DAB1: variants seen among roughly 807,000 people sequenced by gnomAD.
The protein encoded by DAB1 is DAB adaptor protein 1, also known as disabled homolog 1.
Under a neutral mutation model 64.6 loss-of-function variants are expected in DAB1, and 15 were observed. The ratio of observed to expected loss-of-function variants is 0.23; its 90% CI spans 0.16 to 0.36. DAB1 has a LOEUF of 0.36. DAB1 is among the 10% of genes least tolerant of loss of function. DAB1 has a pLI of 1.00. For synonymous variants in DAB1, 235 were observed against 251.9 expected, an observed-to-expected ratio of 0.93 and a Z score of 0.64; for missense variants, 596 against 706.7, an observed-to-expected ratio of 0.84 and a Z score of 1.78.
At position 58,474,681 on chromosome 1, in the gene DAB1, A is replaced by T. The variant is rs548201662; in HGVS notation, n.257+31379T>A. Among the ~76,000 whole-genome samples the T allele has an allele frequency of 2.0e-5, 3 of 152,318 alleles. No homozygotes were observed. The South Asian group carries it at 6.2e-4, about 32-fold the overall frequency. ...TCATGGAAAGTTTCAGGGACTATGG[A>T]GCAGGAGAAATGCTCTAGGCATTCA... On this transcript the variant is annotated intron_variant and non_coding_transcript_variant, in intron 3 of 20. Coordinates refer to the DAB1 transcript ENST00000485760.
At chr1:57,346,678 C>A (rs1027191379) in intron 1 of DAB1, among the ~76,000 whole-genome samples, 7 of 152,112 alleles carry the variant, frequency 4.6e-5, no homozygotes, top group African/African-American at 1.7e-4. Context: ...CTGGAAGAGT[C>A]TAGAGTATAG....
At chr1:57,156,465 C>T (rs1557829207) in intron 2 of DAB1, among the ~76,000 whole-genome samples, 1 of 152,094 alleles carries the variant, frequency 6.6e-6, no homozygotes, top group Non-Finnish European at 1.5e-5. Context: ...TAGCGTGATG[C>T]CAGAACAGAG....
At chr1:58,436,363 T>C (rs1285001916) in intron 3 of DAB1, among the ~76,000 whole-genome samples, 4 of 152,202 alleles carry the variant, frequency 2.6e-5, no homozygotes, top group Non-Finnish European at 4.4e-5. Flanking sequence ...ATATCCCCTA[T>C]CCTACAGGAT....
intron 7 of DAB1, 64 bp from the exon 8 acceptor site, chr1:57,069,489 T>C: frequency 7.2e-7 from 1 of 1,385,508 alleles, no homozygotes; most frequent in East Asian, 2.3e-5. Context: ...AAAACAAGCA[T>C]TTGGAAATTA....
chr1:58,025,255 G>C (rs769319613), intron 5 of DAB1, among the ~76,000 whole-genome samples: 1 of 151,936 alleles, frequency 6.6e-6, no homozygotes, highest in Non-Finnish European at 1.5e-5. Context: ...AAGTGTTTTC[G>C]TGGTCATTAG....
intron 6 of DAB1, among the ~76,000 whole-genome samples, chr1:57,740,046 C>CAAAAAAAAAAAAAAAA (rs34382329): frequency 1.9e-5 from 2 of 103,142 alleles, no homozygotes; most frequent in Non-Finnish European, 3.8e-5. Flanking sequence ...ACTACTACTA[C>CAAAAAAAAAAAAAAAA]AAAAAAAAAA....
intron 3 of DAB1, among the ~76,000 whole-genome samples, chr1:58,501,778 G>T (rs1645910230): frequency 6.6e-6 from 1 of 152,146 alleles, no homozygotes; most frequent in African/African-American, 2.4e-5. Flanking sequence ...ATATTTTGAA[G>T]TCCCAACCTC....
At chr1:58,110,257 A>C (rs1451691331) in intron 5 of DAB1, among the ~76,000 whole-genome samples, 1 of 152,220 alleles carries the variant, frequency 6.6e-6, no homozygotes, top group Non-Finnish European at 1.5e-5. Context: ...CAAAAAACAA[A>C]TAAGCAAAAC....
chr1:57,899,549 T>C (rs1644441714), intron 5 of DAB1, among the ~76,000 whole-genome samples: 1 of 152,132 alleles, frequency 6.6e-6, no homozygotes, highest in Non-Finnish European at 1.5e-5. Context: ...TGGATTCAAC[T>C]TGTTCCACCC....
intron 5 of DAB1, among the ~76,000 whole-genome samples, chr1:58,139,028 C>T (rs1654126902): frequency 6.6e-6 from 1 of 152,138 alleles, no homozygotes; most frequent in African/African-American, 2.4e-5. Context: ...TTAAACTCCA[C>T]CATCAAGGTG....
chr1:57,885,939 A>T (rs1439643865), upstream of DAB1, among the ~76,000 whole-genome samples: 1 of 152,176 alleles, frequency 6.6e-6, no homozygotes, highest in Non-Finnish European at 1.5e-5. Flanking sequence ...AATTACAAGC[A>T]ATTTCTACCC....
chr1:58,352,703 C>A (rs1481296951), intron 3 of DAB1, among the ~76,000 whole-genome samples: 1 of 152,104 alleles, frequency 6.6e-6, no homozygotes, highest in Non-Finnish European at 1.5e-5. Flanking sequence ...TTTGTGCACT[C>A]CCAAAATTCA....
intron 3 of DAB1, among the ~76,000 whole-genome samples, chr1:58,449,978 G>C (rs1210470254): frequency 6.6e-6 from 1 of 152,106 alleles, no homozygotes; most frequent in South Asian, 2.1e-4. Context: ...TTTATAAGCA[G>C]GTATATAATA....
At chr1:58,197,701 C>T (rs994594231) in intron 4 of DAB1, among the ~76,000 whole-genome samples, 81 of 89,076 alleles carry the variant, frequency 9.1e-4, no homozygotes, top group African/African-American at 2.7e-3. Flanking sequence ...GCGAGAGTTA[C>T]ACTTTTTTTT....
intron 2 of DAB1, among the ~76,000 whole-genome samples, chr1:58,526,778 C>T (rs774960620): frequency 2.6e-5 from 4 of 152,014 alleles, no homozygotes; most frequent in Non-Finnish European, 5.9e-5. Flanking sequence ...ACTCAAAAAG[C>T]CTCCTTAGAT....
At chr1:57,952,178 C>T (rs894265298) in intron 5 of DAB1, among the ~76,000 whole-genome samples, 2 of 152,010 alleles carry the variant, frequency 1.3e-5, no homozygotes, top group Non-Finnish European at 2.9e-5. Context: ...TAGGATGTGA[C>T]AAGAAGCACT....
intron 5 of DAB1, among the ~76,000 whole-genome samples, chr1:57,917,124 T>C (rs529547585): frequency 2.0e-5 from 3 of 152,310 alleles, no homozygotes; most frequent in African/African-American, 7.2e-5. Flanking sequence ...GGCCACTCTC[T>C]ACACTTTCTC....
At chr1:57,931,890 T>G (rs1245153190) in intron 5 of DAB1, among the ~76,000 whole-genome samples, 1 of 152,140 alleles carries the variant, frequency 6.6e-6, no homozygotes, top group African/African-American at 2.4e-5. Flanking sequence ...TTCTGCTTAA[T>G]TTGGCTTTAA....
intron 2 of DAB1, among the ~76,000 whole-genome samples, chr1:57,187,855 C>A (rs568985499): frequency 3.9e-5 from 6 of 152,000 alleles, no homozygotes; most frequent in African/African-American, 1.2e-4. Flanking sequence ...GAGAGAGACT[C>A]CCACAAAAAG....
Sources: allele counts gnomAD v4.1 joint callset (sites outside exome capture counted in the v4.1 genomes callset), GRCh38; gene constraint gnomAD v4.1.1; transcripts MANE v1.5; gene names NCBI Gene and HGNC (gene_info 2026-07-23, HGNC 2026-07-21).